Variants in ZNF641 observed in about 807,000 individuals in gnomAD.
ZNF641 encodes the protein zinc finger protein 641.
In ZNF641, 26 loss-of-function variants were observed where a neutral mutation model predicts 46.2. The ratio of observed to expected loss-of-function variants is 0.56; its 90% CI spans 0.41 to 0.78. ZNF641 has a LOEUF of 0.78. ZNF641 is among the 30% of genes least tolerant of loss of function. The pLI is 0.00. For missense variants in ZNF641, 469 were observed against 517.8 expected (o/e 0.91, Z 0.91); for synonymous variants, 163 against 187.9 (o/e 0.87, Z 1.09).
At chr12:48,348,383 G>T (rs1952938862) in intron 1 of ZNF641, among the ~76,000 whole-genome samples, 1 of 152,152 alleles carries the variant, frequency 6.6e-6, no homozygotes, top group South Asian at 2.1e-4. Context: ...ATACCTGAAG[G>T]TTAGAAGAAG....
chr12:48,349,932 A>T, intron 1 of ZNF641: 2 of 1,280,200 alleles, frequency 1.6e-6, no homozygotes, highest in Non-Finnish European at 2.3e-6. Flanking sequence ...AGAGTCTCTT[A>T]ATGGGAAGCC....
rs1952755699 is a variant in ZNF641 at position 48,342,952 on chromosome 12, T to C, written c.*21A>G. ...TAGCACCGGCTGATAGACTTGACCA[T>C]AGCTGTAGTGGAAACAGATTTCAAA... is the stretch of plus-strand genomic sequence containing the variant. On this transcript the variant is annotated 3_prime_UTR_variant, in exon 6 of 6. Coordinates refer to ENST00000547026, the MANE Select transcript of ZNF641 (RefSeq NM_001172681.2). 6.3e-6 allele frequency: 10 copies of C among 1,588,180 alleles called. No homozygotes were observed. Among genetic ancestry groups the C allele is most frequent in the South Asian group, 1.2e-5 (1 of 85,562 alleles).
rs1952701557 is a variant in ZNF641 at position 48,340,867 on chromosome 12, A to C, written c.*2106T>G. 2.0e-6 allele frequency: 2 copies of C among 985,306 alleles called. No homozygotes were observed. Among genetic ancestry groups the C allele is most frequent in the South Asian group, 4.7e-5 (1 of 21,282 alleles). 61.0% of individuals were successfully genotyped at this position (985,306 alleles called of 1,614,324 possible). ...TTATCACTGAACCCAATACTTTCTT[A>C]CTCCCTGGGGCATCTCCTAATACTG... On this transcript the variant is annotated 3_prime_UTR_variant, in exon 6 of 6. Coordinates refer to ENST00000547026, the MANE Select transcript of ZNF641 (RefSeq NM_001172681.2).
chr12:48,345,150 T>C (rs1245053270), intron 4 of ZNF641, among the ~76,000 whole-genome samples, 195 bp downstream of exon 4: 1 of 151,950 alleles, frequency 6.6e-6, no homozygotes, highest in Non-Finnish European at 1.5e-5. Context: ...CATTTGCTTT[T>C]TTACTTTTTT....
Position 48,340,960 on chromosome 12 carries a change from C to T in ZNF641, c.*2013G>A. On this transcript the variant is annotated 3_prime_UTR_variant, in exon 6 of 6. Transcript: ENST00000547026. ...GCCTTACAAAGACCAGCCATTTTGCCTTATTCATAGGATCATAAGCAAGAG... is the reference window on the plus strand; with the variant it reads ...GCCTTACAAAGACCAGCCATTTTGCTTTATTCATAGGATCATAAGCAAGAG... The T allele has an allele frequency of 7.1e-6, 7 of 985,452 alleles. No homozygotes were observed. Among genetic ancestry groups the T allele is most frequent in the Non-Finnish European group, 8.4e-6 (7 of 829,954 alleles). The allele number at this position is 985,452 out of a possible 1,614,324, so 61.0% of individuals were successfully genotyped here.
chr12:48,350,097 C>A, intron 1 of ZNF641: 2 of 1,613,986 alleles, frequency 1.2e-6, no homozygotes, highest in Non-Finnish European at 1.7e-6. Context: ...AGCACCTGGG[C>A]GGTTAAGGTG....
At position 48,340,770 on chromosome 12, in the gene ZNF641, G is replaced by T; in HGVS notation, c.*2203C>A. ...TTCAACAGGTCTGTACCCAAGACAG[G>T]TTCTGAACCATTGCTTATGCAGAGC... is the stretch of plus-strand genomic sequence containing the variant. On this transcript the variant is annotated 3_prime_UTR_variant, in exon 6 of 6. Transcript: ENST00000547026. 1 of 985,408 alleles carries T rather than the reference G, an allele frequency of 1.0e-6. No homozygotes were observed. The highest frequency in any genetic ancestry group is 1.2e-6 in the Non-Finnish European group (1 of 829,896). 61.0% of individuals were successfully genotyped at this position (985,408 alleles called of 1,614,324 possible). A position where few individuals can be genotyped will look rare whatever the true frequency, so the allele number is the denominator to read the frequency against.
Position 48,343,655 on chromosome 12 carries a change from G to A in ZNF641, c.593C>T (p.Ser198Phe). ...CGGGTTCCAGAGAACAGTATCTTCA[G>A]ACACGCTGGATAACATTCTGGGAGG... is the stretch of plus-strand genomic sequence containing the variant. ...AEPPRMLSSV[S>F]EDTVLWNPEH... The change falls in exon 6 of 6, where the codon TCT becomes TTT. Residue 198 changes from serine (S) to phenylalanine (F), a missense_variant. This residue lies in a region of ZNF641 where 346 missense variants were observed against 354.0 expected (regional missense o/e 0.98). Coordinates refer to ENST00000547026, the MANE Select transcript of ZNF641 (RefSeq NM_001172681.2). 6.4e-7 allele frequency: 1 copy of A among 1,571,466 alleles called. No homozygotes were observed. Among genetic ancestry groups the A allele is most frequent in the Non-Finnish European group, 8.6e-7 (1 of 1,159,690 alleles).
Position 48,343,275 on chromosome 12 carries a change from G to T in ZNF641, c.973C>A (p.Gln325Lys), listed in dbSNP as rs758526248. 4 of 1,614,118 alleles carry T rather than the reference G, an allele frequency of 2.5e-6. No individual in the cohort carries two copies. In the Admixed American group the frequency reaches 6.7e-5, roughly 27 times the overall value. Residue 325 changes from glutamine (Q) to lysine (K), a missense_variant, in exon 6 of 6, where the codon CAG (glutamine) becomes AAG (lysine). Gln to Lys is a moderately conservative substitution (Grantham distance 53, BLOSUM62 1). Around this residue, in one of 3 missense-constraint regions of ZNF641, gnomAD observed 346 missense variants for 354.0 expected, o/e 0.98. Coordinates refer to ENST00000547026, the MANE Select transcript of ZNF641 (RefSeq NM_001172681.2). ...GATTTGCCTTCTGCATGCACTCTCT[G>T]GTGGCTGGCCAGATGGGAGTTGCAT... The part of the protein sequence containing the change: ...FRCNSHLASH[Q>K]RVHAEGKSCK...
chr12:48,340,493 G>A lies in ZNF641; in HGVS notation c.*2480C>T, dbSNP rs549514700. 4.1e-5 allele frequency: 40 copies of A among 983,850 alleles called. No homozygotes were observed. The South Asian group carries it at 6.1e-4, about 15-fold the overall frequency. The allele number at this position is 983,850 out of a possible 1,614,324, so 60.9% of individuals were successfully genotyped here. ...GTAGAATGTAAGCAATACCCTTGTC[G>A]TAATTAAAGACCAGACTCCATCCTT... On this transcript the variant is annotated 3_prime_UTR_variant, in exon 6 of 6. Coordinates refer to ENST00000547026, the MANE Select transcript of ZNF641 (RefSeq NM_001172681.2).
chr12:48,346,183 C>T (rs1046050288), intron 3 of ZNF641, among the ~76,000 whole-genome samples: 7 of 152,052 alleles, frequency 4.6e-5, no homozygotes, highest in Admixed American at 1.3e-4. Context: ...GGATTACAGG[C>T]ATGAGCCACC....
rs538971986 is a variant in ZNF641 at position 48,344,762 on chromosome 12, C to G, written c.407-50G>C. 9.9e-5 allele frequency: 105 copies of G among 1,062,508 alleles called. No individual in the cohort carries two copies. The East Asian group carries it at 2.3e-3, about 24-fold the overall frequency. 65.8% of individuals were successfully genotyped at this position (1,062,508 alleles called of 1,614,324 possible). ...GCTGTCAATTAGTTCAACAGCAATT[C>G]TATATTTCTGAAAAAAAAATACAAA... On this transcript the variant is annotated intron_variant, in intron 4 of 5. Transcript: ENST00000547026.
rs1952698733 is a variant in ZNF641, at chr12:48,340,724, G to A, written c.*2249C>T. ...TTACAAATGTCTTTTTCTCAAAAGTGCGTTTCTGGTTTCTGTCAGATTCAA... is the reference window on the plus strand; with the variant it reads ...TTACAAATGTCTTTTTCTCAAAAGTACGTTTCTGGTTTCTGTCAGATTCAA... On this transcript the variant is annotated 3_prime_UTR_variant, in exon 6 of 6. Transcript: ENST00000547026. The A allele has an allele frequency of 1.0e-6, 1 of 985,430 alleles. No individual in the cohort carries two copies. Among genetic ancestry groups the A allele is most frequent in the Non-Finnish European group, 1.2e-6 (1 of 829,936 alleles). The allele number at this position is 985,430 out of a possible 1,614,324, so 61.0% of individuals were successfully genotyped here.
Position 48,347,280 on chromosome 12 carries a change from G to A in ZNF641, c.248C>T (p.Ala83Val), listed in dbSNP as rs1312057561. 3.7e-6 allele frequency: 6 copies of A among 1,613,966 alleles called. No individual in the cohort carries two copies. Among genetic ancestry groups the A allele is most frequent in the Non-Finnish European group, 5.1e-6 (6 of 1,179,874 alleles). The change falls in exon 3 of 6, where the codon GCA becomes GTA. Residue 83 changes from alanine to valine, a missense_variant. Transcript: ENST00000547026. ...TGATCCAGCCGCAAGAAGTGCAGCT[G>A]CCATCTCCCAGTCTCCAGTGTTCCC... ...QEGNTGDWEM[A>V]AALLAAGSQG...
In ZNF641 at chr12:48,344,729, A is replaced by G. The variant is rs752035904; in HGVS notation, c.407-17T>C. Reference sequence around the variant, plus strand: ...TTGGAAATCCTGCTCATGGGAAAGGAAAATAGAGCTGTCAATTAGTTCAAC... The same window carrying G: ...TTGGAAATCCTGCTCATGGGAAAGGGAAATAGAGCTGTCAATTAGTTCAAC... On this transcript the variant is annotated splice_polypyrimidine_tract_variant and intron_variant, in intron 4 of 5. Coordinates refer to ENST00000547026, the MANE Select transcript of ZNF641 (RefSeq NM_001172681.2). The G allele has an allele frequency of 6.8e-7, 1 of 1,465,888 alleles. No homozygotes were observed. Among genetic ancestry groups the G allele is most frequent in the Non-Finnish European group, 9.5e-7 (1 of 1,056,020 alleles). 90.8% of individuals were successfully genotyped at this position (1,465,888 alleles called of 1,614,324 possible).
chr12:48,347,817 C>A, intron 2 of ZNF641, 90 bp downstream of exon 2: 1 of 1,287,988 alleles, frequency 7.8e-7, no homozygotes, highest in Non-Finnish European at 1.1e-6. Flanking sequence ...CTATTTAGTC[C>A]ATGGCAATTT....
At chr12:48,335,239 C>T (rs1487763764), downstream of ZNF641, among the ~76,000 whole-genome samples, 1 of 152,170 alleles carries the variant, frequency 6.6e-6, no homozygotes, top group East Asian at 1.9e-4. Context: ...TTTTCTGTTG[C>T]TTAGTAAATT....
rs1452137056 is a variant in ZNF641, at chr12:48,345,465, T to G, written c.286A>C (p.Thr96Pro). 6.2e-7 allele frequency: 1 copy of G among 1,614,114 alleles called. No individual in the cohort carries two copies. The highest frequency in any genetic ancestry group is 8.5e-7 in the Non-Finnish European group (1 of 1,179,982). ...AAGCACAGTGACACATCCTTGATGG[T>G]TACCAGGCCCTGAAACAAAATGTAG... ...LLAAGSQGLV[T>P]IKDVSLCFSQ... The change falls in exon 4 of 6, where the codon ACC becomes CCC. Residue 96 changes from threonine to proline, a missense_variant. Around this residue, in one of 3 missense-constraint regions of ZNF641, gnomAD observed 25 missense variants for 58.1 expected, o/e 0.43. Transcript: ENST00000547026.
In ZNF641 at chr12:48,337,754, G is replaced by C. The variant is rs1487834961; in HGVS notation, c.*5219C>G. The C allele has an allele frequency of 6.6e-6, 1 of 151,996 alleles. No individual in the cohort carries two copies. The highest frequency in any genetic ancestry group is 2.4e-5 in the African/African-American group (1 of 41,390). The allele number at this position is 151,996 out of a possible 1,614,324, so 9.4% of individuals were successfully genotyped here. A position where few individuals can be genotyped will look rare whatever the true frequency, so the allele number is the denominator to read the frequency against. On this transcript the variant is annotated 3_prime_UTR_variant, in exon 6 of 6. Coordinates refer to ENST00000547026, the MANE Select transcript of ZNF641 (RefSeq NM_001172681.2). ...TGAGGCAAGAAAATGGCGTAAACCT[G>C]GGAGGCGGAGCTTGCAGTGAGCCGA...
Sources: gnomAD v4.1 joint callset for allele counts (sites outside exome capture counted in the v4.1 genomes callset) on GRCh38, gnomAD v4.1.1 for gene constraint, gnomAD v4.1.1 regional missense constraint, MANE v1.5 for transcripts, NCBI Gene and HGNC (gene_info 2026-07-23, HGNC 2026-07-21) for gene names.